Variants in TRPV4 observed in about 807,000 individuals in gnomAD.
TRPV4 encodes transient receptor potential cation channel subfamily V member 4.
A neutral mutation model predicts 84.1 loss-of-function variants in TRPV4; 58 were observed. The observed-to-expected ratio is 0.69, with a 90% CI of 0.56 to 0.86. TRPV4 has a LOEUF of 0.86. Among genes scored for constraint, TRPV4 ranks in the 40% least tolerant of loss-of-function variants. The pLI is 0.00. For synonymous variants in TRPV4, 489 were observed against 500.9 expected, an observed-to-expected ratio of 0.98 and a Z score of 0.32; for missense variants, 879 against 1,181.1, an observed-to-expected ratio of 0.74 and a Z score of 3.75.
rs746391504 is a variant in TRPV4, at chr12:109,794,470, C to T, written c.1350G>A (p.Leu450=). The T allele has an allele frequency of 1.2e-6, 2 of 1,613,966 alleles. No individual in the cohort carries two copies. The highest frequency in any genetic ancestry group is 2.2e-5 in the East Asian group (1 of 44,846). The part of the protein sequence containing the change: ...NSKIENRHEM[L]AVEPINELLR... ...GCAGTTCATTGATGGGCTCCACAGCCAGCATCTCGTGGCGGTTCTAAGAGA... is the reference window on the plus strand; with the variant it reads ...GCAGTTCATTGATGGGCTCCACAGCTAGCATCTCGTGGCGGTTCTAAGAGA... The change falls in exon 8 of 16, where the codon CTG becomes CTA. Residue 450 remains leucine, a synonymous_variant. Coordinates refer to ENST00000261740, the MANE Select transcript of TRPV4 (RefSeq NM_021625.5).
chr12:109,805,118 T>C (rs1891038250), intron 3 of TRPV4, among the ~76,000 whole-genome samples: 1 of 152,242 alleles, frequency 6.6e-6, no homozygotes, highest in Non-Finnish European at 1.5e-5. Context: ...ATGTGGTTGC[T>C]TGGTCAATGA....
rs1592830352 is a variant in TRPV4, at chr12:109,794,091, T to G, written c.1492-69A>C. 7 of 1,361,950 alleles carry G rather than the reference T, an allele frequency of 5.1e-6. No homozygotes were observed. In the South Asian group the frequency reaches 7.4e-5, roughly 14 times the overall value. The allele number at this position is 1,361,950 out of a possible 1,614,324, so 84.4% of individuals were successfully genotyped here. A position where few individuals can be genotyped will look rare whatever the true frequency, so the allele number is the denominator to read the frequency against. On this transcript the variant is annotated intron_variant, in intron 8 of 15. Transcript: ENST00000261740. ...AACATCTGGCCCCCAATCCAGATGT[T>G]CCCCCAGGCCCGAAACATCGGCATC...
At position 109,793,516 on chromosome 12, in the gene TRPV4, C is replaced by A. The variant is rs752787333; in HGVS notation, c.1658+11G>T. ...CACCCAGAAGCTGCCGGCCCAGGGA[C>A]CTCTACTCACTAGAGCAGCTGGAAG... On this transcript the variant is annotated intron_variant, in intron 10 of 15. Coordinates refer to ENST00000261740, the MANE Select transcript of TRPV4 (RefSeq NM_021625.5). The surrounding 1 kb of genome is among the most constrained non-coding windows in gnomAD (Gnocchi z 4.0). 5.0e-6 allele frequency: 8 copies of A among 1,612,810 alleles called. No homozygotes were observed. The South Asian group carries it at 7.7e-5, about 15-fold the overall frequency.
At chr12:109,825,898 G>A (rs1216915134) in intron 1 of TRPV4, among the ~76,000 whole-genome samples, 1 of 152,182 alleles carries the variant, frequency 6.6e-6, no homozygotes, top group East Asian at 1.9e-4. Context: ...CTCAACACCA[G>A]TCTGTGCCAA....
chr12:109,824,154 G>A (rs1275714854), intron 1 of TRPV4, among the ~76,000 whole-genome samples: 1 of 151,888 alleles, frequency 6.6e-6, no homozygotes, highest in East Asian at 2.0e-4. Context: ...TAGTAGAGAC[G>A]GGGTTTCACC....
At chr12:109,816,431 T>C (rs891683417) in intron 1 of TRPV4, among the ~76,000 whole-genome samples, 6 of 152,052 alleles carry the variant, frequency 3.9e-5, no homozygotes, top group Non-Finnish European at 5.9e-5. Flanking sequence ...CTTCATAGGG[T>C]TGCAGGCAGT....
At position 109,796,491 on chromosome 12, in the gene TRPV4, T is replaced by C. The variant is rs1288259461; in HGVS notation, c.1332+34A>G. 6.2e-7 allele frequency: 1 copy of C among 1,601,442 alleles called. No homozygotes were observed. Among genetic ancestry groups the C allele is most frequent in the Admixed American group, 1.7e-5 (1 of 59,654 alleles). ...TCCCTACTCCCAGCCCTGCCCCTCC[T>C]TCCTCACACCCCATGCCCCCTCCTG... On this transcript the variant is annotated intron_variant, in intron 7 of 15. Coordinates refer to ENST00000261740, the MANE Select transcript of TRPV4 (RefSeq NM_021625.5). This position sits in a 1 kb window ranked among gnomAD's most constrained non-coding sequence, Gnocchi z 4.2.
At position 109,796,222 on chromosome 12, in the gene TRPV4, G is replaced by A. The variant is rs1184747585; in HGVS notation, c.1332+303C>T. ...TCCCCAGGTTACAAATGAAGAAGCT[G>A]AGACCCAGAGAGGTGGAGCCACTTG... On this transcript the variant is annotated intron_variant, in intron 7 of 15. Coordinates refer to ENST00000261740, the MANE Select transcript of TRPV4 (RefSeq NM_021625.5). The surrounding 1 kb of genome is among the most constrained non-coding windows in gnomAD (Gnocchi z 4.2). Among the ~76,000 whole-genome samples, 4 of 152,270 alleles carry A rather than the reference G, an allele frequency of 2.6e-5. No homozygotes were observed. The East Asian group carries it at 5.8e-4, about 22-fold the overall frequency.
intron 1 of TRPV4, among the ~76,000 whole-genome samples, chr12:109,817,936 T>A (rs1891932216): frequency 1.3e-5 from 2 of 151,462 alleles, no homozygotes; most frequent in South Asian, 4.2e-4. Flanking sequence ...CACAAAAAAA[T>A]GACCCAGCCC....
chr12:109,816,648 C>T (rs745412737), intron 1 of TRPV4, among the ~76,000 whole-genome samples: 2 of 152,076 alleles, frequency 1.3e-5, no homozygotes, highest in Non-Finnish European at 2.9e-5. Context: ...CGTGGTGGCA[C>T]GTGACTGTAG....
intron 1 of TRPV4, among the ~76,000 whole-genome samples, chr12:109,828,285 G>A (rs1892322088): frequency 6.6e-6 from 1 of 152,160 alleles, no homozygotes; most frequent in Admixed American, 6.5e-5. Context: ...GAGGAAACAT[G>A]CTCAGAGAAG....
Position 109,798,822 on chromosome 12 carries a change from C to G in TRPV4, c.944G>C (p.Arg315Pro), listed in dbSNP as rs1064795696. 1 of 1,614,002 alleles carries G rather than the reference C, an allele frequency of 6.2e-7. No individual in the cohort carries two copies. Among genetic ancestry groups the G allele is most frequent in the Admixed American group, 1.7e-5 (1 of 60,002 alleles). ...TGTGTTGCCTCGCGAGTCCTGGCGC[C>G]GCATGTCCGCCTTCTTGTGGGGGTT... ...TENPHKKADM[R>P]RQDSRGNTVL... is the part of the protein sequence containing the mutation. The change falls in exon 6 of 16, where the codon CGG becomes CCG. Residue 315 changes from arginine to proline, a missense_variant. By Grantham distance (103) the Arg-to-Pro change is moderately radical. Coordinates refer to ENST00000261740, the MANE Select transcript of TRPV4 (RefSeq NM_021625.5). This position sits in a 1 kb window ranked among gnomAD's most constrained non-coding sequence, Gnocchi z 5.0.
chr12:109,824,044 C>A (rs148749555), intron 1 of TRPV4, among the ~76,000 whole-genome samples: 2,544 of 152,142 alleles, frequency 0.017, 28 homozygotes, highest in Non-Finnish European at 0.026. Context: ...TGGCTCACTG[C>A]AACCTCCGTC....
chr12:109,794,590 C>T, intron 7 of TRPV4, 103 bp from the exon 8 acceptor site: 1 of 1,243,334 alleles, frequency 8.0e-7, no homozygotes. Context: ...CCGGACAGCG[C>T]TTTCTCTTTC....
chr12:109,823,610 C>T (rs1051964099), intron 1 of TRPV4, among the ~76,000 whole-genome samples: 1 of 152,140 alleles, frequency 6.6e-6, no homozygotes, highest in Non-Finnish European at 1.5e-5. Context: ...ACAGGCAAAT[C>T]CACAGAGACA....
intron 3 of TRPV4, among the ~76,000 whole-genome samples, chr12:109,805,924 A>C (rs1891090291): frequency 6.6e-6 from 1 of 152,230 alleles, no homozygotes; most frequent in East Asian, 1.9e-4. Flanking sequence ...CCTGGTGCTG[A>C]AGGCACAGGT....
chr12:109,802,857 T>TCCAA, intron 4 of TRPV4, 134 bp downstream of exon 4: 1 of 863,936 alleles, frequency 1.2e-6, no homozygotes, highest in Non-Finnish European at 1.9e-6. Context: ...CATCCATCCA[T>TCCAA]CCATCCATCC....
At chr12:109,813,140 G>A (rs765604502) in intron 2 of TRPV4, among the ~76,000 whole-genome samples, 13 of 152,176 alleles carry the variant, frequency 8.5e-5, no homozygotes, top group African/African-American at 2.4e-4. Context: ...GGCGGGATGC[G>A]GTGGCTCACA....
chr12:109,794,433 AC>A lies in TRPV4; in HGVS notation c.1386del (p.Lys462AsnfsTer73). The A allele has an allele frequency of 6.2e-7, 1 of 1,614,038 alleles. No homozygotes were observed. The highest frequency in any genetic ancestry group is 2.2e-5 in the East Asian group (1 of 44,850). Reference sequence around the variant, plus strand: ...AAGGAGACGGCCCCGAACTTGCGCCACTTGTCCCGCAGCAGTTCATTGATGG... The same window carrying A: ...AAGGAGACGGCCCCGAACTTGCGCCATTGTCCCGCAGCAGTTCATTGATGG... ...VEPINELLRD[K>X]WRKFGAVSFY... On this transcript the variant is annotated frameshift_variant, in exon 8 of 16. Coordinates refer to ENST00000261740, the MANE Select transcript of TRPV4 (RefSeq NM_021625.5). LOFTEE classifies it high-confidence loss of function.
Sources: allele counts gnomAD v4.1 joint callset (sites outside exome capture counted in the v4.1 genomes callset), GRCh38; gene constraint gnomAD v4.1.1; non-coding constraint Gnocchi (gnomAD v3.1); transcripts MANE v1.5; gene names NCBI Gene and HGNC (gene_info 2026-07-23, HGNC 2026-07-21).